Variants in MSANTD7 observed in about 807,000 individuals in gnomAD.
The protein encoded by MSANTD7 is zinc finger and SCAN domain containing 29.
the MSANTD7 span, chr10:14,845,621 TCTCA>T: frequency 6.1e-6 from 5 of 818,168 alleles, no homozygotes; most frequent in Non-Finnish European, 7.4e-6. Flanking sequence ...TGAGAAAAAG[TCTCA>T]CTGTTTTGCC....
At chr10:14,846,968 G>A in the MSANTD7 span, 1 of 985,352 alleles carries the variant, frequency 1.0e-6, no homozygotes, top group Non-Finnish European at 1.2e-6. Context: ...GGTAATCCTG[G>A]TGTGGACAAA....
At chr10:14,846,357 C>G in the MSANTD7 span, 6 of 985,130 alleles carry the variant, frequency 6.1e-6, no homozygotes, top group African/African-American at 1.0e-4. Flanking sequence ...GAAAGGAGTG[C>G]TGAAGAAGAG....
the MSANTD7 span, among the ~76,000 whole-genome samples, chr10:14,838,945 G>A: frequency 6.6e-6 from 1 of 152,174 alleles, no homozygotes. Context: ...TGGCCGCGAG[G>A]TACTTGGAGG....
the MSANTD7 span, chr10:14,840,041 AATATAT>A: frequency 1.1e-5 from 13 of 1,194,498 alleles, no homozygotes; most frequent in East Asian, 2.8e-5. Flanking sequence ...CATACATTGT[AATATAT>A]ATATATATAT....
the MSANTD7 span, chr10:14,845,226 T>C: frequency 9.1e-6 from 9 of 984,692 alleles, no homozygotes; most frequent in African/African-American, 1.7e-5. Context: ...TTAAAGCTTT[T>C]AGTGATTTAC....
chr10:14,841,840 C>G, the MSANTD7 span, among the ~76,000 whole-genome samples: 1 of 152,220 alleles, frequency 6.6e-6, no homozygotes, highest in East Asian at 1.9e-4. Context: ...TTAGCGTTAG[C>G]TGCCTCATGG....
the MSANTD7 span, chr10:14,839,859 C>T: frequency 7.4e-5 from 105 of 1,423,038 alleles, 2 homozygotes; most frequent in South Asian, 1.1e-3. Context: ...ATGCACACGT[C>T]TGAATACGTC....
At chr10:14,846,280 G>C in the MSANTD7 span, 1 of 985,394 alleles carries the variant, frequency 1.0e-6, no homozygotes, top group Non-Finnish European at 1.2e-6. Context: ...TTGACGGAGA[G>C]TTAGGCCTGT....
chr10:14,842,185 A>G, the MSANTD7 span: 1 of 1,535,140 alleles, frequency 6.5e-7, no homozygotes, highest in Non-Finnish European at 8.7e-7. This position sits in a 1 kb window ranked among gnomAD's most constrained non-coding sequence, Gnocchi z 5.2. Context: ...CCTGAGAGGG[A>G]AGATCCTGGA....
At chr10:14,844,487 C>T in the MSANTD7 span, 167 of 989,508 alleles carry the variant, frequency 1.7e-4, no homozygotes, top group Middle Eastern at 5.2e-4. Flanking sequence ...GCTCATTAGA[C>T]GACTATAAGC....
the MSANTD7 span, among the ~76,000 whole-genome samples, chr10:14,841,748 T>C: frequency 2.0e-5 from 3 of 152,180 alleles, no homozygotes; most frequent in Admixed American, 1.3e-4. Flanking sequence ...GTCAGATGGG[T>C]AACACAGAGC....
At chr10:14,841,819 C>G in the MSANTD7 span, among the ~76,000 whole-genome samples, 1 of 152,196 alleles carries the variant, frequency 6.6e-6, no homozygotes, top group South Asian at 2.1e-4. Context: ...CGTGGTCATG[C>G]TTGGACTCCT....
At chr10:14,843,402 C>T in the MSANTD7 span, 251 of 1,550,790 alleles carry the variant, frequency 1.6e-4, no homozygotes, top group Non-Finnish European at 2.1e-4. Context: ...GCTACAGCAG[C>T]TCCCACAGCC....
the MSANTD7 span, chr10:14,844,206 G>C: frequency 8.7e-7 from 1 of 1,148,206 alleles, no homozygotes; most frequent in Non-Finnish European, 1.1e-6. Flanking sequence ...TCCGTAAAAT[G>C]GGGATCAATA....
chr10:14,840,189 TA>T, the MSANTD7 span: 1 of 1,044,926 alleles, frequency 9.6e-7, no homozygotes, highest in Non-Finnish European at 1.3e-6. Flanking sequence ...TTAAATATGG[TA>T]ATAGGAACAT....
At chr10:14,845,117 T>C in the MSANTD7 span, 1 of 985,352 alleles carries the variant, frequency 1.0e-6, no homozygotes, top group Non-Finnish European at 1.2e-6. Context: ...ATGAGCCTCC[T>C]CCACACCCCA....
chr10:14,845,108 T>G, the MSANTD7 span: 1 of 985,440 alleles, frequency 1.0e-6, no homozygotes, highest in Non-Finnish European at 1.2e-6. Flanking sequence ...CGTGAACAGA[T>G]GAGCCTCCTC....
At chr10:14,846,738 G>C in the MSANTD7 span, 1 of 985,284 alleles carries the variant, frequency 1.0e-6, no homozygotes, top group Non-Finnish European at 1.2e-6. Context: ...GCACTGTCAT[G>C]TAACAAGTAG....
the MSANTD7 span, chr10:14,839,795 T>C: frequency 1.3e-5 from 8 of 630,434 alleles, no homozygotes; most frequent in African/African-American, 3.6e-5. Flanking sequence ...GTTTAAAATA[T>C]TGAGATAGCA....
Sources: gnomAD v4.1 joint callset for allele counts (sites outside exome capture counted in the v4.1 genomes callset) on GRCh38, gnomAD v4.1.1 for gene constraint, Gnocchi (gnomAD v3.1) non-coding constraint, MANE v1.5 for transcripts, NCBI Gene and HGNC (gene_info 2026-07-23, HGNC 2026-07-21) for gene names.